The following SLC24A2 variants were observed in gnomAD, a reference collection of about 807,000 sequenced individuals.
SLC24A2 encodes solute carrier family 24 member 2, also known as sodium/potassium/calcium exchanger 2.
A neutral mutation model predicts 62.0 loss-of-function variants in SLC24A2; 36 were observed. The observed-to-expected ratio is 0.58, with a 90% confidence interval of 0.44 to 0.77. The LOEUF is 0.77. Among genes scored for constraint, SLC24A2 ranks in the 30% least tolerant of loss-of-function variants. The pLI, the probability that SLC24A2 is intolerant of heterozygous loss-of-function variation, is 0.00. For synonymous variants in SLC24A2, 358 were observed against 294.0 expected, an observed-to-expected ratio of 1.22 and a Z score of -2.23; for missense variants, 846 against 817.9, an observed-to-expected ratio of 1.03 and a Z score of -0.42.
chr9:20,036,281 C>G, the SLC24A2 span, among the ~76,000 whole-genome samples: 2 of 152,126 alleles, frequency 1.3e-5, no homozygotes, highest in African/African-American at 4.8e-5. Flanking sequence ...ATAATTAAAT[C>G]AACCTAATTA....
the SLC24A2 span, among the ~76,000 whole-genome samples, chr9:19,823,222 T>TCAGATTTA: frequency 6.6e-6 from 1 of 152,120 alleles, no homozygotes; most frequent in African/African-American, 2.4e-5. Context: ...TTACATAATT[T>TCAGATTTA]CAGATTTACA....
chr9:19,562,652 A>C (rs1345483054), intron 7 of SLC24A2, among the ~76,000 whole-genome samples: 1 of 152,224 alleles, frequency 6.6e-6, no homozygotes, highest in East Asian at 1.9e-4. Flanking sequence ...ATGACAGAAA[A>C]AAAATTGCCT....
the SLC24A2 span, among the ~76,000 whole-genome samples, chr9:20,063,367 T>C: frequency 5.4e-4 from 81 of 150,612 alleles, no homozygotes; most frequent in Middle Eastern, 3.5e-3. Context: ...TCGGAAATCA[T>C]CATTCTCAGT....
chr9:19,865,266 A>T, the SLC24A2 span, among the ~76,000 whole-genome samples: 2 of 152,164 alleles, frequency 1.3e-5, no homozygotes, highest in African/African-American at 2.4e-5. Context: ...ATCCAAAGTA[A>T]TCTACAGATA....
chr9:20,002,436 A>G, the SLC24A2 span, among the ~76,000 whole-genome samples: 1 of 151,290 alleles, frequency 6.6e-6, no homozygotes, highest in Non-Finnish European at 1.5e-5. Flanking sequence ...GCATAACACC[A>G]GGAAAATCTA....
chr9:19,702,815 C>T (rs1002358546), intron 2 of SLC24A2, among the ~76,000 whole-genome samples: 1 of 151,916 alleles, frequency 6.6e-6, no homozygotes, highest in African/African-American at 2.4e-5. Flanking sequence ...CACTACCATA[C>T]CTAGAAAACA....
the SLC24A2 span, among the ~76,000 whole-genome samples, chr9:19,944,526 G>A: frequency 6.6e-6 from 1 of 151,642 alleles, no homozygotes; most frequent in African/African-American, 2.4e-5. Context: ...AAGAAATAAT[G>A]GTTTAATATA....
intron 2 of SLC24A2, among the ~76,000 whole-genome samples, chr9:19,778,170 T>G (rs1260718609): frequency 1.3e-5 from 2 of 152,334 alleles, no homozygotes; most frequent in East Asian, 3.9e-4. Flanking sequence ...CTTCTTAATA[T>G]ATTACTCCCT....
At chr9:20,291,498 G>A in the SLC24A2 span, among the ~76,000 whole-genome samples, 1 of 152,062 alleles carries the variant, frequency 6.6e-6, no homozygotes, top group Non-Finnish European at 1.5e-5. Flanking sequence ...ATCTCCCTCG[G>A]GCTCCACACA....
At chr9:19,977,055 CATAAA>C in the SLC24A2 span, among the ~76,000 whole-genome samples, 1 of 151,838 alleles carries the variant, frequency 6.6e-6, no homozygotes, top group East Asian at 1.9e-4. Flanking sequence ...ATTTTTTACA[CATAAA>C]ATAAGTTTTT....
chr9:20,161,322 C>T, the SLC24A2 span, among the ~76,000 whole-genome samples: 2 of 151,236 alleles, frequency 1.3e-5, no homozygotes, highest in Middle Eastern at 3.4e-3. Flanking sequence ...CGAGATAATC[C>T]CAAAGCTACA....
At chr9:19,827,656 A>G in the SLC24A2 span, among the ~76,000 whole-genome samples, 386 of 152,154 alleles carry the variant, frequency 2.5e-3, 4 homozygotes, top group African/African-American at 8.4e-3. Context: ...TCCCTCCCTC[A>G]TTCTGCAAAT....
the SLC24A2 span, among the ~76,000 whole-genome samples, chr9:20,284,571 C>T: frequency 6.6e-6 from 1 of 152,042 alleles, no homozygotes; most frequent in South Asian, 2.1e-4. Context: ...ACTAAAGATT[C>T]AACATCTCTG....
intron 5 of SLC24A2, among the ~76,000 whole-genome samples, chr9:19,581,697 G>A (rs1287779053): frequency 1.3e-5 from 2 of 152,228 alleles, no homozygotes; most frequent in African/African-American, 4.8e-5. Context: ...ACCTGCAGGT[G>A]CAGACCTTGG....
At chr9:19,873,554 C>CTT in the SLC24A2 span, among the ~76,000 whole-genome samples, 586 of 136,928 alleles carry the variant, frequency 4.3e-3, 4 homozygotes, top group African/African-American at 0.014. Context: ...TTCTTTCTTT[C>CTT]TCTCTCTCTC....
chr9:20,128,052 T>G, the SLC24A2 span, among the ~76,000 whole-genome samples: 2 of 152,130 alleles, frequency 1.3e-5, no homozygotes, highest in Non-Finnish European at 2.9e-5. Context: ...TGGTTTTGCT[T>G]CATGTTCCTG....
chr9:19,855,617 C>T, the SLC24A2 span, among the ~76,000 whole-genome samples: 30 of 152,236 alleles, frequency 2.0e-4, no homozygotes, highest in African/African-American at 6.3e-4. Context: ...AACGTTGGTC[C>T]CCAATCTCTT....
the SLC24A2 span, among the ~76,000 whole-genome samples, chr9:19,851,577 T>C: frequency 1.1e-3 from 175 of 152,244 alleles, no homozygotes; most frequent in African/African-American, 4.0e-3. Flanking sequence ...GAACCTGTGG[T>C]GCTTGGTTTT....
At chr9:19,781,718 G>A (rs1001766158) in intron 2 of SLC24A2, among the ~76,000 whole-genome samples, 1 of 152,156 alleles carries the variant, frequency 6.6e-6, no homozygotes, top group African/African-American at 2.4e-5. Context: ...CAGAGAATTA[G>A]TTTCCAAATC....
Sources: gnomAD v4.1 joint callset for allele counts (sites outside exome capture counted in the v4.1 genomes callset) on GRCh38, gnomAD v4.1.1 for gene constraint, MANE v1.5 for transcripts, NCBI Gene and HGNC (gene_info 2026-07-23, HGNC 2026-07-21) for gene names.